GABRB2: variants seen among roughly 807,000 people sequenced by gnomAD.
GABRB2 encodes gamma-aminobutyric acid receptor subunit beta-2.
GABRB2 carries 16 observed loss-of-function variants against 54.7 expected under a neutral mutation model. The observed-to-expected ratio is 0.29, with a 90% CI of 0.20 to 0.44. The LOEUF is 0.44. GABRB2 is among the 20% of genes least tolerant of loss of function. The pLI, the probability that GABRB2 is intolerant of heterozygous loss-of-function variation, is 1.00. For synonymous variants in GABRB2, 244 were observed against 233.8 expected (o/e 1.04, Z -0.40); for missense variants, 355 against 644.0 (o/e 0.55, Z 4.86).
At chr5:161,391,682 T>C (rs1349861373) in intron 5 of GABRB2, among the ~76,000 whole-genome samples, 1 of 152,202 alleles carries the variant, frequency 6.6e-6, no homozygotes, top group Non-Finnish European at 1.5e-5. Flanking sequence ...TTTCTTTCTA[T>C]ATGCAAAATG....
intron 3 of GABRB2, among the ~76,000 whole-genome samples, chr5:161,489,014 G>A (rs955565349): frequency 6.6e-5 from 10 of 151,834 alleles, no homozygotes; most frequent in African/African-American, 2.4e-4. Flanking sequence ...GCTTTCGAAA[G>A]AAATGCAAGA....
At chr5:161,505,294 C>T (rs967355197) in intron 3 of GABRB2, among the ~76,000 whole-genome samples, 5 of 152,038 alleles carry the variant, frequency 3.3e-5, no homozygotes, top group Admixed American at 6.6e-5. Context: ...CCACGCCCGA[C>T]AAATTTTTGT....
rs151266441 is a variant in GABRB2, at chr5:161,313,863, C to G, written c.1191+12505G>C. Among the ~76,000 whole-genome samples the G allele has an allele frequency of 1.9e-3, 283 of 152,280 alleles. 1 individual carries two copies. The highest frequency in any genetic ancestry group is 6.6e-3 in the African/African-American group (275 of 41,540). ...TTCTGGGCTTTCTCCAATCTATAAT[C>G]GAGTAGGTTTGATTATGTTCAGGAC... On this transcript the variant is annotated intron_variant, in intron 9 of 9. Transcript: ENST00000393959.
chr5:161,449,121 T>G (rs923794621), intron 4 of GABRB2, among the ~76,000 whole-genome samples: 1 of 152,206 alleles, frequency 6.6e-6, no homozygotes, highest in African/African-American at 2.4e-5. Context: ...AAGAGTCTTT[T>G]GCATTCATTT....
intron 5 of GABRB2, among the ~76,000 whole-genome samples, chr5:161,393,764 A>G (rs1420641894): frequency 6.6e-6 from 1 of 152,118 alleles, no homozygotes; most frequent in Non-Finnish European, 1.5e-5. Flanking sequence ...TAAAGCAAAC[A>G]TTTGCAGAAT....
chr5:161,478,248 T>C (rs767389303), intron 3 of GABRB2, among the ~76,000 whole-genome samples: 4 of 151,982 alleles, frequency 2.6e-5, no homozygotes, highest in Non-Finnish European at 5.9e-5. Flanking sequence ...AGGGAAGACA[T>C]GTAAGGGAAA....
At chr5:161,315,381 T>G (rs1416120752) in intron 9 of GABRB2, among the ~76,000 whole-genome samples, 1 of 152,198 alleles carries the variant, frequency 6.6e-6, no homozygotes, top group Non-Finnish European at 1.5e-5. Context: ...ATAAAATACA[T>G]GGCAGGAAGA....
chr5:161,411,367 C>T (rs1756511820), intron 4 of GABRB2, among the ~76,000 whole-genome samples: 2 of 152,252 alleles, frequency 1.3e-5, no homozygotes, highest in South Asian at 2.1e-4. Flanking sequence ...GGTGCCAAGA[C>T]TCTATTTCAC....
At chr5:161,327,431 T>C (rs1758401444) in intron 8 of GABRB2, among the ~76,000 whole-genome samples, 1 of 152,122 alleles carries the variant, frequency 6.6e-6, no homozygotes, top group Admixed American at 6.6e-5. Context: ...TTATGTACAC[T>C]GGAGAAGGAT....
intron 5 of GABRB2, among the ~76,000 whole-genome samples, chr5:161,363,142 C>T (rs1466734238): frequency 2.0e-5 from 3 of 152,074 alleles, no homozygotes; most frequent in East Asian, 1.9e-4. Flanking sequence ...TGCCCATCAA[C>T]GATAGACTGG....
At chr5:161,323,438 T>A (rs11745391) in intron 9 of GABRB2, among the ~76,000 whole-genome samples, 2,962 of 152,196 alleles carry the variant, frequency 0.019, 47 homozygotes, top group Non-Finnish European at 0.032. Flanking sequence ...TTTCTTTGTT[T>A]AGATGCTTCA....
chr5:161,296,167 A>G (rs1358234591), intron 9 of GABRB2, among the ~76,000 whole-genome samples: 2 of 152,232 alleles, frequency 1.3e-5, no homozygotes, highest in Non-Finnish European at 2.9e-5. Flanking sequence ...CTATTATAGT[A>G]GAAATGCTGG....
chr5:161,433,720 A>G (rs1757235827), intron 4 of GABRB2, among the ~76,000 whole-genome samples: 2 of 152,188 alleles, frequency 1.3e-5, no homozygotes, highest in African/African-American at 4.8e-5. Context: ...CCAAATAAAC[A>G]TTCATTCAAC....
chr5:161,295,031 T>C (rs1757344438), intron 9 of GABRB2, among the ~76,000 whole-genome samples: 1 of 152,116 alleles, frequency 6.6e-6, no homozygotes. Flanking sequence ...GGTAAAGAAA[T>C]AGTGTTGAAG....
chr5:161,345,512 C>A (rs1011555307), intron 5 of GABRB2, among the ~76,000 whole-genome samples: 1 of 152,034 alleles, frequency 6.6e-6, no homozygotes, highest in African/African-American at 2.4e-5. Context: ...TGCTCATACT[C>A]TTCAGCAATC....
chr5:161,356,955 A>C (rs1157536204), intron 5 of GABRB2, among the ~76,000 whole-genome samples: 23 of 152,206 alleles, frequency 1.5e-4, no homozygotes, highest in Non-Finnish European at 1.5e-5. Context: ...TGCACTTGGC[A>C]CTTATGGCAC....
rs774388204 is a variant in GABRB2 at position 161,545,217 on chromosome 5, CAA to C, written c.237+8_237+9del. The C allele has an allele frequency of 1.9e-6, 3 of 1,594,282 alleles. No homozygotes were observed. The highest frequency in any genetic ancestry group is 2.6e-6 in the Non-Finnish European group (3 of 1,170,802). On this transcript the variant is annotated splice_region_variant and intron_variant, in intron 3 of 9. Transcript: ENST00000393959. ...TTTGCAAAGAAGTAGTCATAAATGT[CAA>C]TACTCACCATATTGACTTCAGAAAC... is the stretch of plus-strand genomic sequence containing the variant.
chr5:161,406,134 T>A (rs994809001), intron 5 of GABRB2, among the ~76,000 whole-genome samples: 1 of 152,098 alleles, frequency 6.6e-6, no homozygotes, highest in Non-Finnish European at 1.5e-5. Context: ...AATTGAAATG[T>A]TAATAAAACC....
At chr5:161,519,767 A>G (rs1760057690) in intron 3 of GABRB2, among the ~76,000 whole-genome samples, 1 of 152,178 alleles carries the variant, frequency 6.6e-6, no homozygotes, top group African/African-American at 2.4e-5. Context: ...AAGACAACAA[A>G]TTTGATTTTA....
Sources: allele counts gnomAD v4.1 joint callset (sites outside exome capture counted in the v4.1 genomes callset), GRCh38; gene constraint gnomAD v4.1.1; transcripts MANE v1.5; gene names NCBI Gene and HGNC (gene_info 2026-07-23, HGNC 2026-07-21).